Variants in SLC47A1 observed in about 807,000 individuals in gnomAD.
SLC47A1 encodes solute carrier family 47 member 1, also known as multidrug and toxin extrusion protein 1.
Under a neutral mutation model 65.8 loss-of-function variants are expected in SLC47A1, and 58 were observed. That is an observed-to-expected ratio of 0.88 (90% CI 0.71 to 1.10). The LOEUF is 1.10. Among genes scored for constraint, SLC47A1 ranks in the 50% least tolerant of loss-of-function variants. The pLI is 0.00. For missense variants in SLC47A1, 706 were observed against 719.2 expected (o/e 0.98, Z 0.21); for synonymous variants, 285 against 295.0 (o/e 0.97, Z 0.35).
intron 14 of SLC47A1, among the ~76,000 whole-genome samples, chr17:19,567,447 G>C (rs1340810946): frequency 3.3e-5 from 5 of 152,114 alleles, no homozygotes; most frequent in Non-Finnish European, 1.5e-5. Flanking sequence ...ACACCCCTGC[G>C]GGCGATCTTC....
At chr17:19,560,535 AG>A (rs773518779) in intron 12 of SLC47A1, 42 bp downstream of exon 12, 1 of 1,593,788 alleles carries the variant, frequency 6.3e-7, no homozygotes, top group East Asian at 2.2e-5. Flanking sequence ...TCTGTGATAA[AG>A]AAATGGTTCA....
intron 6 of SLC47A1, among the ~76,000 whole-genome samples, chr17:19,553,346 C>G (rs1916507077): frequency 6.6e-6 from 1 of 152,078 alleles, no homozygotes. Flanking sequence ...CGAGCCTGCT[C>G]CTCTGCCTTC....
chr17:19,575,120 G>C (rs1366499664), intron 16 of SLC47A1, among the ~76,000 whole-genome samples: 1 of 148,598 alleles, frequency 6.7e-6, no homozygotes, highest in Non-Finnish European at 1.5e-5. Flanking sequence ...ACCCAGGCTG[G>C]AGTGCAGTGG....
At chr17:19,543,487 G>A (rs1916207349) in intron 2 of SLC47A1, among the ~76,000 whole-genome samples, 2 of 152,112 alleles carry the variant, frequency 1.3e-5, no homozygotes, top group Admixed American at 1.3e-4. Context: ...CAGTAAAAGG[G>A]GAGTTCAGTC....
rs1357536081 is a variant in SLC47A1, at chr17:19,555,703, C to T, written c.739+13C>T. On this transcript the variant is annotated intron_variant, in intron 8 of 16. Coordinates refer to ENST00000270570, the MANE Select transcript of SLC47A1 (RefSeq NM_018242.3). ...GCTACATGGGGAGGTAATGACTGCC[C>T]TTTTGTCTTCCAACTGGGATGTGGG... The T allele has an allele frequency of 6.2e-7, 1 of 1,614,006 alleles. No individual in the cohort carries two copies. Among genetic ancestry groups the T allele is most frequent in the Non-Finnish European group, 8.5e-7 (1 of 1,179,914 alleles).
chr17:19,560,967 T>A (rs531392870), intron 12 of SLC47A1, among the ~76,000 whole-genome samples: 7 of 151,974 alleles, frequency 4.6e-5, no homozygotes, highest in East Asian at 1.9e-4. Context: ...GAATTTTTTT[T>A]AAAAAGAGGC....
At chr17:19,539,571 G>T (rs1597492457) in intron 1 of SLC47A1, among the ~76,000 whole-genome samples, 1 of 151,864 alleles carries the variant, frequency 6.6e-6, no homozygotes, top group East Asian at 1.9e-4. Flanking sequence ...TGCAACCTCT[G>T]CCCCCTGGGT....
At chr17:19,543,525 C>G (rs367847073) in intron 2 of SLC47A1, among the ~76,000 whole-genome samples, 113 of 152,288 alleles carry the variant, frequency 7.4e-4, no homozygotes, top group African/African-American at 2.4e-3. Context: ...CTGACTCCCC[C>G]CCATGCCCAC....
chr17:19,550,903 C>A (rs1348686741), intron 5 of SLC47A1, among the ~76,000 whole-genome samples: 2 of 152,118 alleles, frequency 1.3e-5, no homozygotes, highest in Non-Finnish European at 2.9e-5. Flanking sequence ...AGGGCCCCAC[C>A]CTAATGACCT....
chr17:19,548,501 T>C (rs1325594906), intron 4 of SLC47A1, among the ~76,000 whole-genome samples: 1 of 10,940 alleles, frequency 9.1e-5, no homozygotes. Context: ...AGATTTTTCT[T>C]TTTTTTTTTT....
intron 1 of SLC47A1, among the ~76,000 whole-genome samples, chr17:19,539,347 A>C (rs1916076278): frequency 6.6e-6 from 1 of 152,144 alleles, no homozygotes; most frequent in African/African-American, 2.4e-5. Flanking sequence ...GAGCACAGAA[A>C]TATGCTCTGT....
At chr17:19,553,666 C>T (rs1916518884) in intron 6 of SLC47A1, among the ~76,000 whole-genome samples, 1 of 151,824 alleles carries the variant, frequency 6.6e-6, no homozygotes, top group African/African-American at 2.4e-5. Context: ...CTCAGCCTCC[C>T]AAGTAGCTGG....
chr17:19,558,887 T>C (rs2084285385), intron 10 of SLC47A1, among the ~76,000 whole-genome samples: 2 of 152,130 alleles, frequency 1.3e-5, no homozygotes, highest in Admixed American at 6.6e-5. Flanking sequence ...AGAGACTCAG[T>C]CTTCTATTAC....
In SLC47A1 at chr17:19,567,147, AT is replaced by A. The variant is rs760188216; in HGVS notation, c.1230del (p.Ile410MetfsTer2). 7 of 1,614,212 alleles carry A rather than the reference AT, an allele frequency of 4.3e-6. No individual in the cohort carries two copies. In the East Asian group the frequency reaches 1.6e-4, roughly 36 times the overall value. ...GAGTGGAAATCAGAAGGTTGGAGCCATTGTGAATACCATTGGGTACTATGTG... is the reference window on the plus strand; with the variant it reads ...GAGTGGAAATCAGAAGGTTGGAGCCATGTGAATACCATTGGGTACTATGTG... ...RGSGNQKVGA[I>X]VNTIGYYVVG... On this transcript the variant is annotated frameshift_variant, in exon 14 of 17. Coordinates refer to ENST00000270570, the MANE Select transcript of SLC47A1 (RefSeq NM_018242.3). LOFTEE classifies it high-confidence loss of function.
Position 19,548,046 on chromosome 17 carries a change from T to C in SLC47A1, c.368T>C (p.Leu123Pro). ...ATCCTGCAGCGGAGTGCGCTCGTCCTGCTCCTCTGCTGCTTCCCCTGCTGG... is the reference window on the plus strand; with the variant it reads ...ATCCTGCAGCGGAGTGCGCTCGTCCCGCTCCTCTGCTGCTTCCCCTGCTGG... Reference protein sequence around the residue: ...GVILQRSALVLLLCCFPCWAL... With the variant: ...GVILQRSALVPLLCCFPCWAL... The change falls in exon 4 of 17, where the codon CTG becomes CCG. Residue 123 changes from leucine to proline, a missense_variant. Leu to Pro is a moderately conservative substitution (Grantham distance 98). Transcript: ENST00000270570. 1 of 1,614,176 alleles carries C rather than the reference T, an allele frequency of 6.2e-7. No individual in the cohort carries two copies. Among genetic ancestry groups the C allele is most frequent in the Non-Finnish European group, 8.5e-7 (1 of 1,180,032 alleles).
chr17:19,547,597 G>A (rs1916323731), intron 3 of SLC47A1, among the ~76,000 whole-genome samples: 1 of 151,738 alleles, frequency 6.6e-6, no homozygotes, highest in African/African-American at 2.4e-5. Flanking sequence ...AATATCATTA[G>A]TGAGAGTTTT....
intron 12 of SLC47A1, chr17:19,564,433 A>C (rs1233900266): frequency 1.3e-5 from 2 of 152,198 alleles, no homozygotes; most frequent in African/African-American, 4.8e-5. Flanking sequence ...AAATGATAGA[A>C]TATAGAAAGG....
chr17:19,542,796 T>A (rs999023114), intron 2 of SLC47A1, among the ~76,000 whole-genome samples: 1 of 19,686 alleles, frequency 5.1e-5, no homozygotes, highest in East Asian at 2.7e-3. Context: ...TATTTTGTTG[T>A]TTTTTTTTTT....
intron 5 of SLC47A1, 100 bp from the exon 6 acceptor site, chr17:19,551,323 CA>C: frequency 9.6e-7 from 1 of 1,041,874 alleles, no homozygotes; most frequent in East Asian, 2.4e-5. Context: ...GAGCAGAGGG[CA>C]GCCGAACCTT....
Sources: gnomAD v4.1 joint callset for allele counts (sites outside exome capture counted in the v4.1 genomes callset) on GRCh38, gnomAD v4.1.1 for gene constraint, MANE v1.5 for transcripts, NCBI Gene and HGNC (gene_info 2026-07-23, HGNC 2026-07-21) for gene names.